JAM2: variants seen among roughly 807,000 people sequenced by gnomAD.
The protein encoded by JAM2 is junctional adhesion molecule 2, also known as junctional adhesion molecule B.
In JAM2, 17 loss-of-function variants were observed where a neutral mutation model predicts 42.0. That is an observed-to-expected ratio of 0.40 (90% confidence interval 0.28 to 0.61). JAM2 has a LOEUF of 0.61. JAM2 is among the 20% of genes least tolerant of loss of function. JAM2 has a pLI of 0.37. For missense variants in JAM2, 319 were observed against 358.3 expected, an observed-to-expected ratio of 0.89 and a Z score of 0.89; for synonymous variants, 118 against 128.6, an observed-to-expected ratio of 0.92 and a Z score of 0.56.
At chr21:25,693,309 G>C (rs988461488) in intron 3 of JAM2, among the ~76,000 whole-genome samples, 1 of 150,918 alleles carries the variant, frequency 6.6e-6, no homozygotes, top group Non-Finnish European at 1.5e-5. Flanking sequence ...CCAGGTTGGA[G>C]TGCAGTGACA....
At chr21:25,694,023 A>G (rs2033942056) in intron 4 of JAM2, 115 bp downstream of exon 4, 1 of 991,132 alleles carries the variant, frequency 1.0e-6, no homozygotes, top group East Asian at 2.6e-5. Flanking sequence ...AGCCTCAACC[A>G]GTCAAGTTAC....
At chr21:25,643,250 T>C (rs1024991268) in intron 1 of JAM2, among the ~76,000 whole-genome samples, 5 of 152,204 alleles carry the variant, frequency 3.3e-5, no homozygotes, top group Non-Finnish European at 5.9e-5. Context: ...CTCTGAGGCA[T>C]CATTTAAGCT....
Position 25,706,105 on chromosome 21 carries a change from T to C in JAM2, c.805+19T>C. The C allele has an allele frequency of 1.4e-6, 2 of 1,447,674 alleles. No individual in the cohort carries two copies. Among genetic ancestry groups the C allele is most frequent in the Non-Finnish European group, 9.7e-7 (1 of 1,027,866 alleles). 89.7% of individuals were successfully genotyped at this position (1,447,674 alleles called of 1,614,324 possible). ...TTTTCAAGTAAGTGAATTTCACCCT[T>C]CTTTGGCAGATAACTTTCTATGGCT... On this transcript the variant is annotated intron_variant, in intron 7 of 9. Transcript: ENST00000480456.
chr21:25,684,700 G>T (rs2033711744), intron 2 of JAM2, among the ~76,000 whole-genome samples: 1 of 151,998 alleles, frequency 6.6e-6, no homozygotes, highest in Non-Finnish European at 1.5e-5. Context: ...TACCTCCGGG[G>T]TCAAGTGATC....
intron 1 of JAM2, among the ~76,000 whole-genome samples, chr21:25,680,418 A>T (rs1378915850): frequency 1.3e-5 from 2 of 152,252 alleles, no homozygotes; most frequent in African/African-American, 4.8e-5. Flanking sequence ...TAGTCTGCAG[A>T]TGGAAGCTGA....
intron 9 of JAM2, among the ~76,000 whole-genome samples, chr21:25,713,107 GC>G (rs1274173954): frequency 6.6e-6 from 1 of 152,044 alleles, no homozygotes; most frequent in Non-Finnish European, 1.5e-5. Context: ...TGAAGGTCCT[GC>G]CCTCATCACC....
Position 25,706,015 on chromosome 21 carries a change from T to C in JAM2, c.734T>C (p.Val245Ala). 1 of 1,613,830 alleles carries C rather than the reference T, an allele frequency of 6.2e-7. No individual in the cohort carries two copies. The highest frequency in any genetic ancestry group is 2.2e-5 in the East Asian group (1 of 44,878). The change falls in exon 7 of 10, where the codon GTA becomes GCA. Residue 245 changes from valine to alanine, a missense_variant. By Grantham distance (64) the Val-to-Ala change is moderately conservative. Transcript: ENST00000480456. ...ATAAGTGGCATCATAGCAGCCGTAG[T>C]AGTTGTGGCCTTAGTGATTTCCGTT... ...LNISGIIAAV[V>A]VVALVISVCG...
At chr21:25,689,832 A>G (rs376157121) in intron 2 of JAM2, 34 bp from the exon 3 acceptor site, 9 of 1,357,752 alleles carry the variant, frequency 6.6e-6, no homozygotes, top group Middle Eastern at 3.7e-4. Context: ...CATGGGGACA[A>G]TTAGAAAACA....
At chr21:25,694,028 A>G (rs2033942295) in intron 4 of JAM2, 120 bp downstream of exon 4, 1 of 907,000 alleles carries the variant, frequency 1.1e-6, no homozygotes, top group Non-Finnish European at 1.7e-6. Flanking sequence ...CAACCAGTCA[A>G]GTTACAGAGA....
At chr21:25,673,757 A>G (rs1568899824) in intron 1 of JAM2, among the ~76,000 whole-genome samples, 1 of 152,172 alleles carries the variant, frequency 6.6e-6, no homozygotes, top group Non-Finnish European at 1.5e-5. Context: ...GACCTCCAGC[A>G]ACTTATTTAA....
At chr21:25,640,922 G>A (rs2032420143) in intron 1 of JAM2, among the ~76,000 whole-genome samples, 1 of 152,058 alleles carries the variant, frequency 6.6e-6, no homozygotes, top group Admixed American at 6.6e-5. Context: ...CCTGCGGGAC[G>A]AGTGTCTAAT....
chr21:25,639,963 T>C (rs1269533914), intron 1 of JAM2, 75 bp downstream of exon 1: 2 of 1,072,676 alleles, frequency 1.9e-6, no homozygotes, highest in African/African-American at 3.3e-5. Flanking sequence ...CACGGGGCGC[T>C]GGCTGACAGT....
rs866658777 is a variant in JAM2, at chr21:25,715,875, A to G, written c.*1203A>G. ...GTAACTTCTTTTAATTACTGAATTG[A>G]TATTAAAAACAAAATATGGCTAGGG... On this transcript the variant is annotated 3_prime_UTR_variant, in exon 10 of 10. Coordinates refer to ENST00000480456, the MANE Select transcript of JAM2 (RefSeq NM_021219.4). 38 of 152,196 alleles carry G rather than the reference A, an allele frequency of 2.5e-4. No individual in the cohort carries two copies. The highest frequency in any genetic ancestry group is 8.9e-4 in the African/African-American group (37 of 41,450). The allele number at this position is 152,196 out of a possible 1,614,324, so 9.4% of individuals were successfully genotyped here.
At chr21:25,668,934 C>T (rs1444055837) in intron 1 of JAM2, among the ~76,000 whole-genome samples, 2 of 152,104 alleles carry the variant, frequency 1.3e-5, no homozygotes, top group South Asian at 2.1e-4. Flanking sequence ...TTATGGAAGG[C>T]ATCATCATAA....
chr21:25,661,755 A>G (rs1477482787), intron 1 of JAM2, among the ~76,000 whole-genome samples: 2 of 152,174 alleles, frequency 1.3e-5, no homozygotes, highest in African/African-American at 4.8e-5. Context: ...AATTAAAATA[A>G]ATGAATGCAA....
intron 1 of JAM2, among the ~76,000 whole-genome samples, chr21:25,678,234 A>T (rs1047479431): frequency 1.3e-5 from 2 of 152,128 alleles, no homozygotes; most frequent in Non-Finnish European, 2.9e-5. Flanking sequence ...TCAAAAATTT[A>T]AAAAATAAAA....
chr21:25,711,989 AAATT>A (rs2034392921), intron 8 of JAM2: 1 of 219,830 alleles, frequency 4.5e-6, no homozygotes, highest in Admixed American at 5.5e-5. Flanking sequence ...AAAAATAAAT[AAATT>A]TTGAGATTAT....
chr21:25,650,793 T>C (rs1244460105), intron 1 of JAM2, among the ~76,000 whole-genome samples: 1 of 152,048 alleles, frequency 6.6e-6, no homozygotes, highest in Non-Finnish European at 1.5e-5. Context: ...GATTGGTACA[T>C]GAATAGACAG....
chr21:25,704,652 C>T lies in JAM2; in HGVS notation c.698-1327C>T, dbSNP rs181811941. ...TGAAGAATTGCTCCTTTAATAAATA[C>T]ATGGGAAGTATCTAAATGGCAGAAG... is the stretch of plus-strand genomic sequence containing the variant. On this transcript the variant is annotated intron_variant, in intron 6 of 9. Transcript: ENST00000480456. 7.3e-3 allele frequency among the ~76,000 whole-genome samples: 1,110 copies of T among 152,256 alleles called. 9 individuals carry two copies. Among genetic ancestry groups the T allele is most frequent in the Admixed American group, 0.012 (182 of 15,284 alleles).
Sources: allele counts gnomAD v4.1 joint callset (sites outside exome capture counted in the v4.1 genomes callset), GRCh38; gene constraint gnomAD v4.1.1; transcripts MANE v1.5; gene names NCBI Gene and HGNC (gene_info 2026-07-23, HGNC 2026-07-21).